The following GRM3 variants were observed in gnomAD, a reference collection of about 807,000 sequenced individuals.
GRM3 encodes the protein metabotropic glutamate receptor 3.
A neutral mutation model predicts 70.5 loss-of-function variants in GRM3; 26 were observed. The ratio of observed to expected loss-of-function variants is 0.37; its 90% CI spans 0.27 to 0.51. The LOEUF (loss-of-function observed/expected upper bound fraction) is 0.51. Among genes scored for constraint, GRM3 ranks in the 20% least tolerant of loss-of-function variants. The pLI is 0.93. For missense variants in GRM3, 859 were observed against 1,123.8 expected (o/e 0.76, Z 3.37); for synonymous variants, 443 against 434.9 (o/e 1.02, Z -0.23).
At chr7:86,647,801 T>A (rs920671567) in intron 1 of GRM3, among the ~76,000 whole-genome samples, 2 of 152,216 alleles carry the variant, frequency 1.3e-5, no homozygotes, top group African/African-American at 4.8e-5. Flanking sequence ...CCCCTCCTTC[T>A]ACTTCTAATG....
intron 1 of GRM3, among the ~76,000 whole-genome samples, chr7:86,716,232 A>T (rs1795310718): frequency 6.6e-6 from 1 of 151,948 alleles, no homozygotes; most frequent in South Asian, 2.1e-4. Flanking sequence ...TGATAAGATG[A>T]TGTAAAGAAA....
chr7:86,652,188 G>T (rs1159096587), intron 1 of GRM3, among the ~76,000 whole-genome samples: 1 of 151,366 alleles, frequency 6.6e-6, no homozygotes, highest in Non-Finnish European at 1.5e-5. Context: ...TGAAGCCCTG[G>T]TAGGAAAAAG....
chr7:86,841,993 T>G (rs1798567377), intron 4 of GRM3, among the ~76,000 whole-genome samples: 1 of 152,182 alleles, frequency 6.6e-6, no homozygotes, highest in South Asian at 2.1e-4. Flanking sequence ...ATGCCAATCC[T>G]AAGTTTACAA....
chr7:86,677,290 T>C (rs1403130908), intron 1 of GRM3, among the ~76,000 whole-genome samples: 1 of 152,012 alleles, frequency 6.6e-6, no homozygotes, highest in Non-Finnish European at 1.5e-5. Context: ...ATGTCTGTTA[T>C]GAGAAGTAGT....
chr7:86,846,774 A>T (rs1798663602), intron 4 of GRM3, among the ~76,000 whole-genome samples: 1 of 152,162 alleles, frequency 6.6e-6, no homozygotes, highest in Non-Finnish European at 1.5e-5. Flanking sequence ...ATTCCCACAG[A>T]CTTCCTCAAA....
Position 86,864,350 on chromosome 7 carries a change from C to A in GRM3, c.2635C>A (p.Leu879Met). ...REVLDSTTSS[L>M] Reference sequence around the variant, plus strand: ...AGTCCTCGACTCCACCACCTCATCTCTGTGATTGTGAATTGCAGTTCAGTT... The same window carrying A: ...AGTCCTCGACTCCACCACCTCATCTATGTGATTGTGAATTGCAGTTCAGTT... The change falls in exon 6 of 6, where the codon CTG becomes ATG. Residue 879 changes from leucine (L) to methionine (M), a missense_variant. Leu to Met is a conservative substitution (Grantham distance 15, BLOSUM62 2). Coordinates refer to ENST00000361669, the MANE Select transcript of GRM3 (RefSeq NM_000840.3). 1 of 1,609,646 alleles carries A rather than the reference C, an allele frequency of 6.2e-7. No homozygotes were observed. Among genetic ancestry groups the A allele is most frequent in the Non-Finnish European group, 8.5e-7 (1 of 1,176,054 alleles).
chr7:86,654,922 C>G (rs769321374), intron 1 of GRM3, among the ~76,000 whole-genome samples: 2 of 152,024 alleles, frequency 1.3e-5, no homozygotes, highest in Non-Finnish European at 1.5e-5. Context: ...AGAACAAATA[C>G]AGTGTGAAGA....
rs181930186 is a variant in GRM3, at chr7:86,786,715, G to A, written c.923G>A (p.Ser308Asn). 5.0e-6 allele frequency: 8 copies of A among 1,613,102 alleles called. No individual in the cohort carries two copies. The East Asian group carries it at 1.3e-4, about 27-fold the overall frequency. ...VASDGWGAQE[S>N]IIKGSEHVAY... Reference sequence around the variant, plus strand: ...AGCGACGGCTGGGGCGCGCAGGAGAGCATCATCAAGGGCAGCGAGCATGTG... The same window carrying A: ...AGCGACGGCTGGGGCGCGCAGGAGAACATCATCAAGGGCAGCGAGCATGTG... The change falls in exon 3 of 6, where the codon AGC (serine) becomes AAC (asparagine). Residue 308 changes from serine to asparagine, a missense_variant. By Grantham distance (46) the Ser-to-Asn change is conservative (BLOSUM62 1). Coordinates refer to ENST00000361669, the MANE Select transcript of GRM3 (RefSeq NM_000840.3). The surrounding 1 kb of genome is among the most constrained non-coding windows in gnomAD (Gnocchi z 6.0).
intron 1 of GRM3, among the ~76,000 whole-genome samples, chr7:86,645,141 AC>A (rs1450173195): frequency 7.2e-5 from 11 of 152,042 alleles, no homozygotes; most frequent in Admixed American, 7.2e-4. Flanking sequence ...AGGTGAAGGG[AC>A]GAACTAGCAC....
rs112200238 is a variant in GRM3, at chr7:86,814,543, C to G, written c.1325-24296C>G. Reference sequence around the variant, plus strand: ...GGTAGACAATATCAGAAGAAATACACTCTCTTGAAGATATAAAGCTAACTG... The same window carrying G: ...GGTAGACAATATCAGAAGAAATACAGTCTCTTGAAGATATAAAGCTAACTG... On this transcript the variant is annotated intron_variant, in intron 3 of 5. Transcript: ENST00000361669. Among the ~76,000 whole-genome samples the G allele has an allele frequency of 1.9e-3, 290 of 151,892 alleles. 2 individuals are homozygous for G. The highest frequency in any genetic ancestry group is 6.7e-3 in the African/African-American group (277 of 41,490).
chr7:86,644,245 C>G lies in GRM3; in HGVS notation c.-768C>G, dbSNP rs535890340. The G allele has an allele frequency of 5.8e-6, 1 of 172,706 alleles. No homozygotes were observed. Among genetic ancestry groups the G allele is most frequent in the East Asian group, 1.8e-4 (1 of 5,552 alleles). The allele number at this position is 172,706 out of a possible 1,614,324, so 10.7% of individuals were successfully genotyped here. ...TACCCTGGCTTTTCGTATAAAAATC[C>G]TCTCGTCTAGGTACCCTGGCTCACT... On this transcript the variant is annotated 5_prime_UTR_variant, in exon 1 of 6. Coordinates refer to ENST00000361669, the MANE Select transcript of GRM3 (RefSeq NM_000840.3).
chr7:86,812,490 A>C (rs1362659164), intron 3 of GRM3, among the ~76,000 whole-genome samples: 5 of 151,834 alleles, frequency 3.3e-5, no homozygotes, highest in Non-Finnish European at 5.9e-5. Context: ...TTCCAAAAAA[A>C]GGTTAGGATT....
chr7:86,847,090 G>A (rs1173047498), intron 4 of GRM3, among the ~76,000 whole-genome samples: 2 of 152,164 alleles, frequency 1.3e-5, no homozygotes, highest in African/African-American at 2.4e-5. Flanking sequence ...CACAGGAGAG[G>A]AACTCTGAGA....
chr7:86,818,104 A>C (rs1000061972), intron 3 of GRM3, among the ~76,000 whole-genome samples: 1 of 152,026 alleles, frequency 6.6e-6, no homozygotes, highest in Admixed American at 6.6e-5. Context: ...CGATCCATCT[A>C]TAGAAATCCT....
chr7:86,836,012 A>G (rs746590449), intron 3 of GRM3, among the ~76,000 whole-genome samples: 7 of 152,242 alleles, frequency 4.6e-5, no homozygotes. Flanking sequence ...ATTTTTAAAA[A>G]TATTAAGATA....
chr7:86,823,582 ATTTT>A (rs35792615), intron 3 of GRM3, among the ~76,000 whole-genome samples: 1,332 of 43,042 alleles, frequency 0.031, 29 homozygotes, highest in African/African-American at 0.13. Flanking sequence ...TGTGTGAGGT[ATTTT>A]TTTTTTTTTT....
At chr7:86,705,329 C>T (rs1259709103) in intron 1 of GRM3, among the ~76,000 whole-genome samples, 1 of 151,970 alleles carries the variant, frequency 6.6e-6, no homozygotes, top group Non-Finnish European at 1.5e-5. Context: ...TTCATTACAA[C>T]TCAGAGAGGT....
chr7:86,747,471 T>C (rs1394726669), intron 1 of GRM3, among the ~76,000 whole-genome samples: 1 of 152,128 alleles, frequency 6.6e-6, no homozygotes, highest in Non-Finnish European at 1.5e-5. Context: ...ATATCTTTAA[T>C]CTTATACATA....
intron 3 of GRM3, among the ~76,000 whole-genome samples, chr7:86,789,517 T>C (rs1441581132): frequency 6.6e-6 from 1 of 152,226 alleles, no homozygotes; most frequent in Non-Finnish European, 1.5e-5. Flanking sequence ...GGAATATTTT[T>C]TCCTAGCTAT....
Sources: gnomAD v4.1 joint callset for allele counts (sites outside exome capture counted in the v4.1 genomes callset) on GRCh38, gnomAD v4.1.1 for gene constraint, Gnocchi (gnomAD v3.1) non-coding constraint, MANE v1.5 for transcripts, NCBI Gene and HGNC (gene_info 2026-07-23, HGNC 2026-07-21) for gene names.